PEX7: variants seen among roughly 807,000 people sequenced by gnomAD.
The protein encoded by PEX7 is peroxisomal biogenesis factor 7.
PEX7 carries 34 observed loss-of-function variants against 47.5 expected under a neutral mutation model. That is an observed-to-expected ratio of 0.72 (90% CI 0.54 to 0.95). PEX7 has a LOEUF of 0.95. Among genes scored for constraint, PEX7 ranks in the 40% least tolerant of loss-of-function variants. PEX7 has a pLI of 0.00. For synonymous variants in PEX7, 141 were observed against 148.8 expected (o/e 0.95, Z 0.38); for missense variants, 394 against 400.3 (o/e 0.98, Z 0.13).
intron 5 of PEX7, among the ~76,000 whole-genome samples, chr6:136,859,487 T>G (rs1218342680): frequency 1.3e-5 from 2 of 152,040 alleles, no homozygotes; most frequent in African/African-American, 4.8e-5. Flanking sequence ...ATGTGTGGGA[T>G]CCAGTAGTTA....
At chr6:136,825,093 C>T (rs1774163104) in intron 1 of PEX7, 121 bp from the exon 2 acceptor site, 2 of 827,898 alleles carry the variant, frequency 2.4e-6, no homozygotes, top group Non-Finnish European at 4.1e-6. Flanking sequence ...TTCAAGGTCC[C>T]AAATACTTTG....
At chr6:136,868,718 C>G (rs980430158) in intron 6 of PEX7, among the ~76,000 whole-genome samples, 7 of 144,816 alleles carry the variant, frequency 4.8e-5, no homozygotes, top group African/African-American at 1.7e-4. Flanking sequence ...CCATTACTTT[C>G]AATGGCAAAA....
chr6:136,853,392 G>A (rs1774795564), intron 5 of PEX7, among the ~76,000 whole-genome samples: 1 of 152,142 alleles, frequency 6.6e-6, no homozygotes, highest in Non-Finnish European at 1.5e-5. Context: ...AGAGGAGGAG[G>A]TGGTGCTCCT....
chr6:136,868,844 G>A (rs1775121500), intron 6 of PEX7, among the ~76,000 whole-genome samples: 1 of 152,018 alleles, frequency 6.6e-6, no homozygotes, highest in Non-Finnish European at 1.5e-5. Flanking sequence ...TTCACTTGGG[G>A]CTCTAGATAG....
chr6:136,823,396 CCA>C (rs1774122272), intron 1 of PEX7: 5 of 972,508 alleles, frequency 5.1e-6, no homozygotes. Flanking sequence ...GTTACAGACT[CCA>C]GTTAATTGTC....
chr6:136,898,079 T>G, intron 8 of PEX7, 63 bp from the exon 9 acceptor site: 2 of 973,168 alleles, frequency 2.1e-6, no homozygotes, highest in Non-Finnish European at 3.3e-6. Context: ...ATCTATTTTT[T>G]CTTAATATAA....
At chr6:136,841,297 ATTTTCC>A (rs1173401167) in intron 3 of PEX7, among the ~76,000 whole-genome samples, 2 of 152,020 alleles carry the variant, frequency 1.3e-5, no homozygotes, top group Non-Finnish European at 2.9e-5. Context: ...AAATTACATT[ATTTTCC>A]TTCCTCCAGT....
chr6:136,887,078 G>C (rs1163194099), intron 8 of PEX7, among the ~76,000 whole-genome samples: 1 of 151,748 alleles, frequency 6.6e-6, no homozygotes, highest in East Asian at 1.9e-4. Flanking sequence ...CCTGTTACCA[G>C]GTGACCACTT....
At chr6:136,882,587 A>G (rs1775396701) in intron 8 of PEX7, among the ~76,000 whole-genome samples, 1 of 152,062 alleles carries the variant, frequency 6.6e-6, no homozygotes, top group South Asian at 2.1e-4. Flanking sequence ...CTCAAGCACA[A>G]ATTATCTTAA....
intron 3 of PEX7, among the ~76,000 whole-genome samples, chr6:136,840,296 C>T (rs369482396): frequency 5.3e-5 from 8 of 152,304 alleles, no homozygotes; most frequent in African/African-American, 9.6e-5. Context: ...CTAGTCTTAT[C>T]GTTCTTCTCT....
chr6:136,891,757 C>G (rs1237582771), intron 8 of PEX7, among the ~76,000 whole-genome samples: 4 of 151,862 alleles, frequency 2.6e-5, no homozygotes, highest in Non-Finnish European at 5.9e-5. Context: ...CCTCCTGCCT[C>G]AGCCTCCCAA....
intron 5 of PEX7, among the ~76,000 whole-genome samples, chr6:136,851,119 T>C (rs1214139902): frequency 1.3e-5 from 1 of 76,704 alleles, no homozygotes; most frequent in African/African-American, 5.4e-5. Context: ...CATCTAGCAT[T>C]AGGTATATCT....
At position 136,846,176 on chromosome 6, in the gene PEX7, C is replaced by A; in HGVS notation, c.521C>A (p.Ala174Asp). Residue 174 changes from alanine to aspartate, a missense_variant, in exon 5 of 10, where the codon GCC becomes GAC. Coordinates refer to ENST00000318471, the MANE Select transcript of PEX7 (RefSeq NM_000288.4). Reference protein sequence around the residue: ...SPHIPGCFASASGDQTLRIWD... With the variant: ...SPHIPGCFASDSGDQTLRIWD... ...CACATCCCTGGTTGTTTTGCTTCAG[C>A]CTCAGGTAAATTATTCTGTATTTAC... is the stretch of plus-strand genomic sequence containing the variant. 1.2e-6 allele frequency: 2 copies of A among 1,600,656 alleles called. No individual in the cohort carries two copies. The highest frequency in any genetic ancestry group is 1.7e-6 in the Non-Finnish European group (2 of 1,168,176).
intron 8 of PEX7, among the ~76,000 whole-genome samples, chr6:136,891,579 A>G (rs1441674277): frequency 6.6e-6 from 1 of 152,210 alleles, no homozygotes; most frequent in Non-Finnish European, 1.5e-5. Context: ...TCATGCAAAT[A>G]AATGAATGTT....
chr6:136,902,322 C>G (rs562963488), intron 9 of PEX7, among the ~76,000 whole-genome samples: 161 of 152,258 alleles, frequency 1.1e-3, no homozygotes, highest in Non-Finnish European at 1.7e-3. Context: ...TATTCTCAGT[C>G]TTAAAAGAGA....
chr6:136,868,005 C>T (rs1775106537), intron 6 of PEX7, among the ~76,000 whole-genome samples: 1 of 152,182 alleles, frequency 6.6e-6, no homozygotes, highest in Admixed American at 6.5e-5. Flanking sequence ...AAGGACCCTA[C>T]TACCATTTTT....
chr6:136,826,317 A>G lies in PEX7; in HGVS notation c.189-2A>G, dbSNP rs1554328952. ...TTTGTTGTTTGTTTTTTCCTAGTGT[A>G]GCTTTGACTGGAATGATGGTTTGTT... On this transcript the variant is annotated splice_acceptor_variant, in intron 2 of 9. Transcript: ENST00000318471. LOFTEE classifies it high-confidence loss of function. The G allele has an allele frequency of 6.2e-7, 1 of 1,613,810 alleles. No individual in the cohort carries two copies. The highest frequency in any genetic ancestry group is 8.5e-7 in the Non-Finnish European group (1 of 1,179,980).
At chr6:136,823,717 C>A (rs571792598) in intron 1 of PEX7, among the ~76,000 whole-genome samples, 3 of 152,146 alleles carry the variant, frequency 2.0e-5, no homozygotes, top group Non-Finnish European at 4.4e-5. Context: ...ATGGAGAAAC[C>A]CCATCTCTAC....
chr6:136,893,255 GAC>G (rs1341599070), intron 8 of PEX7, among the ~76,000 whole-genome samples: 6 of 151,136 alleles, frequency 4.0e-5, no homozygotes, highest in Non-Finnish European at 7.4e-5. Context: ...AGACCTGTTT[GAC>G]CTGGCCCTGC....
Sources: gnomAD v4.1 joint callset for allele counts (sites outside exome capture counted in the v4.1 genomes callset) on GRCh38, gnomAD v4.1.1 for gene constraint, MANE v1.5 for transcripts, NCBI Gene and HGNC (gene_info 2026-07-23, HGNC 2026-07-21) for gene names.